TOP2B: variants seen among roughly 807,000 people sequenced by gnomAD.
TOP2B encodes DNA topoisomerase 2-beta.
TOP2B carries 51 observed loss-of-function variants against 193.5 expected under a neutral mutation model. The ratio of observed to expected loss-of-function variants is 0.26; its 90% confidence interval spans 0.21 to 0.33. The LOEUF is 0.33. TOP2B is among the 10% of genes least tolerant of loss of function. TOP2B has a pLI of 1.00. For synonymous variants in TOP2B, 634 were observed against 635.7 expected (o/e 1.00, Z 0.04); for missense variants, 1,378 against 1,909.3 (o/e 0.72, Z 5.19).
intron 13 of TOP2B, 137 bp from the exon 14 acceptor site, chr3:25,629,282 A>G (rs1702890565): frequency 1.8e-6 from 1 of 561,090 alleles, no homozygotes; most frequent in Admixed American, 3.7e-5. Context: ...AGCTATTAAG[A>G]TGATCATACT....
Position 25,604,786 on chromosome 3 carries a change from G to C in TOP2B, c.4463C>G (p.Pro1488Arg). The C allele has an allele frequency of 6.2e-7, 1 of 1,612,670 alleles. No homozygotes were observed. The highest frequency in any genetic ancestry group is 8.5e-7 in the Non-Finnish European group (1 of 1,179,216). Residue 1488 changes from proline to arginine, a missense_variant, in exon 33 of 36, where the codon CCA becomes CGA. By Grantham distance (103) the Pro-to-Arg change is moderately radical (BLOSUM62 -2). Coordinates refer to ENST00000264331, the MANE Select transcript of TOP2B (RefSeq NM_001330700.2). The part of the protein sequence containing the change: ...SFGLKQTDKV[P>R]SKTVAAKKGK... ...CTTTTTAGCAGCTACCGTTTTACTT[G>C]GAACTTTATCTGTCTGTTTCAGACC...
At chr3:25,621,911 C>G (rs575744383) in intron 21 of TOP2B, among the ~76,000 whole-genome samples, 1 of 151,826 alleles carries the variant, frequency 6.6e-6, no homozygotes, top group Non-Finnish European at 1.5e-5. Flanking sequence ...ATCACTTGAA[C>G]CTGGGAGACA....
intron 1 of TOP2B, among the ~76,000 whole-genome samples, chr3:25,660,670 G>A (rs1280471943): frequency 4.6e-5 from 7 of 152,094 alleles, no homozygotes; most frequent in Admixed American, 3.9e-4. Flanking sequence ...CATTGGAAAG[G>A]GCACATAGTT....
At chr3:25,638,612 T>C (rs1047159946) in intron 4 of TOP2B, among the ~76,000 whole-genome samples, 5 of 151,874 alleles carry the variant, frequency 3.3e-5, no homozygotes, top group African/African-American at 7.3e-5. Flanking sequence ...AACATACTCA[T>C]GAGAAAACCT....
At chr3:25,622,021 C>T (rs1031412856) in intron 21 of TOP2B, among the ~76,000 whole-genome samples, 56 of 151,816 alleles carry the variant, frequency 3.7e-4, no homozygotes, top group African/African-American at 1.2e-3. Flanking sequence ...AGAAATTGAG[C>T]ATATAGCATA....
At chr3:25,628,128 A>G (rs1702857674) in intron 15 of TOP2B, among the ~76,000 whole-genome samples, 2 of 150,520 alleles carry the variant, frequency 1.3e-5, no homozygotes, top group African/African-American at 4.9e-5. Flanking sequence ...ATTTTAATAC[A>G]GTCCAGGGGA....
At chr3:25,616,900 C>T (rs1702520028) in intron 25 of TOP2B, among the ~76,000 whole-genome samples, 1 of 151,838 alleles carries the variant, frequency 6.6e-6, no homozygotes, top group Admixed American at 6.6e-5. Context: ...AAAAAATAAA[C>T]TTTGCAAGTT....
At chr3:25,635,479 T>G (rs1036495339) in intron 7 of TOP2B, among the ~76,000 whole-genome samples, 1 of 152,168 alleles carries the variant, frequency 6.6e-6, no homozygotes, top group African/African-American at 2.4e-5. Context: ...ATGGAAAATG[T>G]AGACAATATG....
At chr3:25,655,708 A>G (rs1378363284) in intron 1 of TOP2B, among the ~76,000 whole-genome samples, 1 of 152,244 alleles carries the variant, frequency 6.6e-6, no homozygotes, top group African/African-American at 2.4e-5. Context: ...CTCAAAAAAC[A>G]TGGAAATCTT....
chr3:25,612,221 C>T (rs970870395), intron 28 of TOP2B, among the ~76,000 whole-genome samples: 1 of 152,088 alleles, frequency 6.6e-6, no homozygotes, highest in Non-Finnish European at 1.5e-5. Flanking sequence ...GGATTACAGG[C>T]GTGAGCCACC....
intron 1 of TOP2B, among the ~76,000 whole-genome samples, chr3:25,653,013 C>T (rs1703636916): frequency 6.6e-6 from 1 of 152,110 alleles, no homozygotes; most frequent in Admixed American, 6.5e-5. Flanking sequence ...TACATGACCA[C>T]ACATATGGCA....
At chr3:25,646,446 G>T (rs1703417918) in intron 1 of TOP2B, among the ~76,000 whole-genome samples, 1 of 152,084 alleles carries the variant, frequency 6.6e-6, no homozygotes, top group South Asian at 2.1e-4. Context: ...AGCAGATGAG[G>T]ATGTCAAATC....
At position 25,623,675 on chromosome 3, in the gene TOP2B, C is replaced by A; in HGVS notation, c.2567G>T (p.Arg856Leu). The stretch of plus-strand genomic sequence containing the variant: ...AGGAATATACCACTCAGGCTCTACA[C>A]GTTGATTATCATCATAAAGGAACTT... ...LLKFLYDDNQ[R>L]VEPEWYIPII... is the part of the protein sequence containing the mutation. The change falls in exon 21 of 36, where the codon CGT becomes CTT. Residue 856 changes from arginine to leucine, a missense_variant. This residue lies in a region of TOP2B where 379 missense variants were observed against 615.1 expected (regional missense o/e 0.62). Transcript: ENST00000264331. The A allele has an allele frequency of 6.2e-7, 1 of 1,613,682 alleles. No individual in the cohort carries two copies. Among genetic ancestry groups the A allele is most frequent in the Non-Finnish European group, 8.5e-7 (1 of 1,179,782 alleles).
In TOP2B at chr3:25,607,167, TTAC is replaced by T; in HGVS notation, c.4298+1_4298+3del. Reference sequence around the variant, plus strand: ...ATACCACATCACTAAATAGCATTACTTACTCTGGAGTGGCTTTTGATTTGCCTG... The same window carrying T: ...ATACCACATCACTAAATAGCATTACTTCTGGAGTGGCTTTTGATTTGCCTG... On this transcript the variant is annotated splice_donor_variant and splice_donor_region_variant and intron_variant, in intron 31 of 35. Transcript: ENST00000264331. LOFTEE classifies it high-confidence loss of function. 2 of 1,613,010 alleles carry T rather than the reference TTAC, an allele frequency of 1.2e-6. No homozygotes were observed. Among genetic ancestry groups the T allele is most frequent in the Non-Finnish European group, 1.7e-6 (2 of 1,179,446 alleles).
At chr3:25,635,883 A>T in intron 7 of TOP2B, 53 bp downstream of exon 7, 1 of 1,493,114 alleles carries the variant, frequency 6.7e-7, no homozygotes, top group Admixed American at 1.8e-5. Context: ...AGACCCAACA[A>T]TATTCTCTCT....
chr3:25,621,003 C>T (rs1001325691), intron 21 of TOP2B, among the ~76,000 whole-genome samples, 187 bp from the exon 22 acceptor site: 3 of 152,188 alleles, frequency 2.0e-5, no homozygotes, highest in African/African-American at 7.2e-5. Flanking sequence ...CCTCCAATCT[C>T]AAAATGTTAG....
intron 8 of TOP2B, among the ~76,000 whole-genome samples, chr3:25,633,519 A>G (rs1703018921): frequency 6.8e-6 from 1 of 146,268 alleles, no homozygotes; most frequent in Non-Finnish European, 1.6e-5. Context: ...CTCAGTCACC[A>G]GCCCCCTCTC....
At position 25,632,812 on chromosome 3, in the gene TOP2B, T is replaced by C. The variant is rs759294895; in HGVS notation, c.1027-18A>G. ...CGTCCACCCTAAAGAAAAAAAAATA[T>C]ATGAAATCTGAAATCCTGTATTGTT... On this transcript the variant is annotated intron_variant, in intron 8 of 35. Transcript: ENST00000264331. The C allele has an allele frequency of 1.2e-5, 19 of 1,595,308 alleles. No individual in the cohort carries two copies. Among genetic ancestry groups the C allele is most frequent in the South Asian group, 2.2e-5 (2 of 89,886 alleles).
chr3:25,626,376 T>G (rs1356196106), intron 18 of TOP2B, among the ~76,000 whole-genome samples, 184 bp downstream of exon 18: 1 of 152,074 alleles, frequency 6.6e-6, no homozygotes, highest in African/African-American at 2.4e-5. Context: ...TATTAAAGAT[T>G]TCAGCACTAT....
Sources: gnomAD v4.1 joint callset for allele counts (sites outside exome capture counted in the v4.1 genomes callset) on GRCh38, gnomAD v4.1.1 for gene constraint, gnomAD v4.1.1 regional missense constraint, MANE v1.5 for transcripts, NCBI Gene and HGNC (gene_info 2026-07-23, HGNC 2026-07-21) for gene names.